The following HPCAL1 variants were observed in gnomAD, a reference collection of about 807,000 sequenced individuals.
HPCAL1 encodes hippocalcin-like protein 1.
Under a neutral mutation model 17.1 loss-of-function variants are expected in HPCAL1, and 8 were observed. That is an observed-to-expected ratio of 0.47 (90% confidence interval 0.27 to 0.84). The LOEUF (loss-of-function observed/expected upper bound fraction) is 0.84, where lower values mean the gene tolerates loss of function less well. Ranked by LOEUF, HPCAL1 falls within the 40% of genes least tolerant of loss-of-function variation. The pLI is 0.13. For synonymous variants in HPCAL1, 112 were observed against 111.4 expected (o/e 1.01, Z -0.03); for missense variants, 165 against 271.1 (o/e 0.61, Z 2.75).
In HPCAL1 at chr2:10,326,204, G is replaced by A. The variant is rs541580103; in HGVS notation, c.-111+23027G>A. Among the ~76,000 whole-genome samples the A allele has an allele frequency of 8.5e-5, 13 of 152,334 alleles. No individual in the cohort carries two copies. In the South Asian group the frequency reaches 1.9e-3, roughly 22 times the overall value. ...GAAGAGGGGTGGGTGGTAAACGTTC[G>A]TTAACTTAGCCATGTTCTCTTAGGG... On this transcript the variant is annotated intron_variant, in intron 1 of 4. Transcript: ENST00000307845.
Position 10,426,765 on chromosome 2 carries a change from G to A in HPCAL1, c.526G>A (p.Asp176Asn). ...AGAATTCATCAGAGGTGCCAAGAGC[G>A]ACCCCTCCATCGTCCGCCTGCTGCA... ...LEEFIRGAKS[D>N]PSIVRLLQCD... is the part of the protein sequence containing the mutation. Residue 176 changes from aspartate (D) to asparagine (N), a missense_variant, in exon 5 of 5, where the codon GAC becomes AAC. Physicochemically the swap from Asp to Asn is conservative, Grantham distance 23. Coordinates refer to ENST00000307845, the MANE Select transcript of HPCAL1 (RefSeq NM_002149.4). The A allele has an allele frequency of 1.2e-6, 2 of 1,613,442 alleles. No individual in the cohort carries two copies. The highest frequency in any genetic ancestry group is 1.7e-6 in the Non-Finnish European group (2 of 1,179,996).
intron 2 of HPCAL1, among the ~76,000 whole-genome samples, chr2:10,418,462 A>C (rs1004965341): frequency 6.6e-6 from 1 of 150,896 alleles, no homozygotes; most frequent in Non-Finnish European, 1.5e-5. Flanking sequence ...AAAAAAAAAA[A>C]AAAAAAAAAC....
At chr2:10,366,093 C>T (rs1252673593) in intron 1 of HPCAL1, among the ~76,000 whole-genome samples, 3 of 152,204 alleles carry the variant, frequency 2.0e-5, no homozygotes, top group Admixed American at 6.5e-5. Flanking sequence ...CTGGACCGCC[C>T]ATTCCCTGGG....
At position 10,344,225 on chromosome 2, in the gene HPCAL1, A is replaced by G. The variant is rs755918480; in HGVS notation, c.-111+41048A>G. The stretch of plus-strand genomic sequence containing the variant: ...GAGGACCCTGGGGACGTGGTCTTTG[A>G]TGCTTGCTTTCCCCATAGGCATCAC... On this transcript the variant is annotated intron_variant, in intron 1 of 4. Transcript: ENST00000307845. This position sits in a 1 kb window ranked among gnomAD's most constrained non-coding sequence, Gnocchi z 4.9. Among the ~76,000 whole-genome samples the G allele has an allele frequency of 3.9e-5, 6 of 152,132 alleles. No homozygotes were observed. Among genetic ancestry groups the G allele is most frequent in the Non-Finnish European group, 5.9e-5 (4 of 68,014 alleles).
chr2:10,382,799 G>T (rs1012766446), intron 1 of HPCAL1, among the ~76,000 whole-genome samples: 1 of 152,146 alleles, frequency 6.6e-6, no homozygotes, highest in Non-Finnish European at 1.5e-5. Context: ...TGCTGAGTGT[G>T]GGAGTGTGCT....
chr2:10,310,182 CTT>C lies in HPCAL1; in HGVS notation c.-111+7007_-111+7008del, dbSNP rs1662863797. Reference sequence around the variant, plus strand: ...TGGCAGACTGGGTTTGAACTGTAGTCTTTGCTCTGTTTACTGGCTGGTGATGT... The same window carrying C: ...TGGCAGACTGGGTTTGAACTGTAGTCTGCTCTGTTTACTGGCTGGTGATGT... On this transcript the variant is annotated intron_variant, in intron 1 of 4. Coordinates refer to ENST00000307845, the MANE Select transcript of HPCAL1 (RefSeq NM_002149.4). This position sits in a 1 kb window ranked among gnomAD's most constrained non-coding sequence, Gnocchi z 4.5. Among the ~76,000 whole-genome samples the C allele has an allele frequency of 6.6e-6, 1 of 152,012 alleles. No homozygotes were observed. The highest frequency in any genetic ancestry group is 2.4e-5 in the African/African-American group (1 of 41,352).
chr2:10,426,877 T>A lies in HPCAL1; in HGVS notation c.*56T>A. On this transcript the variant is annotated 3_prime_UTR_variant, in exon 5 of 5. Transcript: ENST00000307845. ...CACAGGCTTGTCGTGCCGTTTAAGC[T>A]TTGCTTGCAAGAGTGGATGCCCCGC... The A allele has an allele frequency of 6.7e-7, 1 of 1,500,706 alleles. No individual in the cohort carries two copies. The highest frequency in any genetic ancestry group is 9.3e-7 in the Non-Finnish European group (1 of 1,079,344). 93.0% of individuals were successfully genotyped at this position (1,500,706 alleles called of 1,614,324 possible).
At chr2:10,311,816 A>G (rs139583675) in intron 1 of HPCAL1, among the ~76,000 whole-genome samples, 1 of 152,020 alleles carries the variant, frequency 6.6e-6, no homozygotes, top group Non-Finnish European at 1.5e-5. Context: ...TATCACTGAC[A>G]TCATCACTTT....
In HPCAL1 at chr2:10,419,725, G is replaced by A. The variant is rs372984419; in HGVS notation, c.-24-9G>A. 1.1e-4 allele frequency: 173 copies of A among 1,587,006 alleles called. No individual in the cohort carries two copies. Among genetic ancestry groups the A allele is most frequent in the Non-Finnish European group, 1.4e-4 (162 of 1,165,986 alleles). On this transcript the variant is annotated splice_polypyrimidine_tract_variant and intron_variant, in intron 2 of 4. Coordinates refer to ENST00000307845, the MANE Select transcript of HPCAL1 (RefSeq NM_002149.4). The surrounding 1 kb of genome is among the most constrained non-coding windows in gnomAD (Gnocchi z 5.0). ...GGGTGGCGTCCCCGGCTGACCCCCT[G>A]TCTTGCAGGTGTAGTCGCCGCCGCC...
At chr2:10,326,183 AG>A (rs1401134523) in intron 1 of HPCAL1, among the ~76,000 whole-genome samples, 2 of 152,082 alleles carry the variant, frequency 1.3e-5, no homozygotes, top group Non-Finnish European at 2.9e-5. Context: ...CAGAAGGAAG[AG>A]GGGTGGGTGG....
intron 1 of HPCAL1, among the ~76,000 whole-genome samples, chr2:10,390,288 T>C (rs961578930): frequency 3.3e-5 from 5 of 152,198 alleles, no homozygotes; most frequent in Non-Finnish European, 7.3e-5. Flanking sequence ...CCTGGTGGTC[T>C]CCTCAGGACA....
chr2:10,309,234 A>G (rs1662806809), intron 1 of HPCAL1, among the ~76,000 whole-genome samples: 1 of 152,004 alleles, frequency 6.6e-6, no homozygotes, highest in Non-Finnish European at 1.5e-5. Context: ...AGGTCTTGCT[A>G]TGTTGCCCAG....
intron 1 of HPCAL1, among the ~76,000 whole-genome samples, chr2:10,315,108 G>A (rs1006233615): frequency 3.3e-5 from 5 of 152,154 alleles, no homozygotes; most frequent in East Asian, 1.9e-4. Flanking sequence ...TGGCCAACAC[G>A]GTGAAACCCC....
At chr2:10,316,001 G>A (rs1475796536) in intron 1 of HPCAL1, among the ~76,000 whole-genome samples, 1 of 152,016 alleles carries the variant, frequency 6.6e-6, no homozygotes, top group Non-Finnish European at 1.5e-5. Flanking sequence ...AGTGAGACTT[G>A]CTCTCAAAAA....
chr2:10,404,059 C>G (rs1669813232), intron 2 of HPCAL1, among the ~76,000 whole-genome samples: 1 of 152,166 alleles, frequency 6.6e-6, no homozygotes, highest in South Asian at 2.1e-4. Context: ...CCATAATGTT[C>G]TCTATCATTT....
At chr2:10,348,613 AT>A (rs200070510) in intron 1 of HPCAL1, among the ~76,000 whole-genome samples, 11,761 of 141,206 alleles carry the variant, frequency 0.083, 554 homozygotes, top group Middle Eastern at 0.15. Flanking sequence ...AAAAAAAAAA[AT>A]ATATATATAT....
At chr2:10,366,439 T>G (rs1020831151) in intron 1 of HPCAL1, among the ~76,000 whole-genome samples, 6 of 152,202 alleles carry the variant, frequency 3.9e-5, no homozygotes, top group Non-Finnish European at 8.8e-5. Context: ...TTTCACCATG[T>G]TGGCCATGCT....
intron 1 of HPCAL1, among the ~76,000 whole-genome samples, chr2:10,325,377 A>G (rs750911134): frequency 6.6e-6 from 1 of 152,150 alleles, no homozygotes; most frequent in Admixed American, 6.5e-5. Context: ...CTCTGAGGCT[A>G]TCATTATTTT....
At chr2:10,306,250 G>A (rs1036785283) in intron 1 of HPCAL1, among the ~76,000 whole-genome samples, 6 of 151,984 alleles carry the variant, frequency 3.9e-5, no homozygotes, top group South Asian at 4.1e-4. Flanking sequence ...GGGATAATGC[G>A]TTCAACTGAT....
Sources: gnomAD v4.1 joint callset for allele counts (sites outside exome capture counted in the v4.1 genomes callset) on GRCh38, gnomAD v4.1.1 for gene constraint, Gnocchi (gnomAD v3.1) non-coding constraint, MANE v1.5 for transcripts, NCBI Gene and HGNC (gene_info 2026-07-23, HGNC 2026-07-21) for gene names.